Variants in CNTNAP2 observed in about 807,000 individuals in gnomAD.
The protein encoded by CNTNAP2 is contactin-associated protein-like 2.
A neutral mutation model predicts 155.2 loss-of-function variants in CNTNAP2; 98 were observed. That is an observed-to-expected ratio of 0.63 (90% CI 0.54 to 0.75). CNTNAP2 has a LOEUF of 0.75. Ranked by LOEUF, CNTNAP2 falls within the 30% of genes least tolerant of loss-of-function variation. The pLI is 0.00. For missense variants in CNTNAP2, 1,727 were observed against 1,688.1 expected (o/e 1.02, Z -0.40); for synonymous variants, 651 against 631.2 (o/e 1.03, Z -0.47).
At chr7:146,703,379 T>C (rs1214078536) in intron 1 of CNTNAP2, among the ~76,000 whole-genome samples, 1 of 152,118 alleles carries the variant, frequency 6.6e-6, no homozygotes, top group East Asian at 1.9e-4. Context: ...CTGTGGAAAA[T>C]ATTTTTAGAG....
At chr7:147,694,576 A>C (rs1417355008) in intron 13 of CNTNAP2, among the ~76,000 whole-genome samples, 2 of 152,118 alleles carry the variant, frequency 1.3e-5, no homozygotes, top group Non-Finnish European at 2.9e-5. Flanking sequence ...TTTTTCAAAG[A>C]ATTGGCCCAT....
At chr7:146,937,373 A>G (rs1204771202) in intron 3 of CNTNAP2, among the ~76,000 whole-genome samples, 2 of 150,852 alleles carry the variant, frequency 1.3e-5, no homozygotes, top group Admixed American at 6.6e-5. Flanking sequence ...TAAAAATAAA[A>G]TAAAATAAAA....
At chr7:146,587,572 C>G (rs1041615864) in intron 1 of CNTNAP2, among the ~76,000 whole-genome samples, 2 of 152,150 alleles carry the variant, frequency 1.3e-5, no homozygotes, top group African/African-American at 4.8e-5. Context: ...CACAAACACA[C>G]ACATACAAAT....
At chr7:147,785,022 T>C (rs1308899343) in intron 13 of CNTNAP2, among the ~76,000 whole-genome samples, 2 of 152,152 alleles carry the variant, frequency 1.3e-5, no homozygotes, top group Admixed American at 1.3e-4. Flanking sequence ...CATGATTTTA[T>C]ATTTGCAAAT....
At chr7:147,293,007 A>AT (rs1805347758) in intron 8 of CNTNAP2, among the ~76,000 whole-genome samples, 1 of 152,166 alleles carries the variant, frequency 6.6e-6, no homozygotes, top group African/African-American at 2.4e-5. Context: ...ACCTTGGGTG[A>AT]TATGCCCGCT....
chr7:146,758,627 A>C, intron 1 of CNTNAP2, among the ~76,000 whole-genome samples: 1 of 151,444 alleles, frequency 6.6e-6, no homozygotes, highest in Non-Finnish European at 1.5e-5. Context: ...GTGCAGGGAA[A>C]CTCTCCTTTC....
chr7:147,284,650 T>C (rs1361647749), intron 8 of CNTNAP2, among the ~76,000 whole-genome samples: 2 of 151,970 alleles, frequency 1.3e-5, no homozygotes, highest in East Asian at 1.9e-4. Context: ...GTAACATACA[T>C]TTATATCCTA....
At chr7:147,893,746 C>T (rs560682096) in intron 13 of CNTNAP2, among the ~76,000 whole-genome samples, 1 of 152,220 alleles carries the variant, frequency 6.6e-6, no homozygotes, top group African/African-American at 2.4e-5. Context: ...TCACCTCCCC[C>T]ACTTCATCCT....
intron 21 of CNTNAP2, among the ~76,000 whole-genome samples, chr7:148,306,525 A>G (rs62470578): frequency 0.24 from 35,743 of 152,054 alleles, 4,766 homozygotes; most frequent in Middle Eastern, 0.34. Context: ...TCTCTGAACA[A>G]TGTTCTCAAA....
In CNTNAP2 at chr7:147,461,849, G is replaced by A. The variant is rs182082216; in HGVS notation, c.1671-24086G>A. Among the ~76,000 whole-genome samples the A allele has an allele frequency of 2.6e-4, 40 of 152,282 alleles. No individual in the cohort carries two copies. In the East Asian group the frequency reaches 7.7e-3, roughly 29 times the overall value. On this transcript the variant is annotated intron_variant, in intron 10 of 23. Coordinates refer to ENST00000361727, the MANE Select transcript of CNTNAP2 (RefSeq NM_014141.6). ...TTAAAACTAAAATTAGGGATTGAGT[G>A]CCTCATTCGAAAATAGCAGCATTTA...
intron 1 of CNTNAP2, among the ~76,000 whole-genome samples, chr7:146,528,355 A>G (rs1797721148): frequency 6.6e-6 from 1 of 152,168 alleles, no homozygotes; most frequent in Non-Finnish European, 1.5e-5. Flanking sequence ...AGTTTTCTCA[A>G]CTGCAAAGCA....
At chr7:146,740,139 T>G (rs1361992552) in intron 1 of CNTNAP2, among the ~76,000 whole-genome samples, 1 of 152,080 alleles carries the variant, frequency 6.6e-6, no homozygotes, top group African/African-American at 2.4e-5. Context: ...TTTCAGTCCT[T>G]GTCATTCTTT....
At chr7:147,297,811 T>C (rs1179714268) in intron 8 of CNTNAP2, among the ~76,000 whole-genome samples, 1 of 152,170 alleles carries the variant, frequency 6.6e-6, no homozygotes, top group African/African-American at 2.4e-5. Flanking sequence ...AAATACTCTG[T>C]ATTCATCTGT....
intron 21 of CNTNAP2, among the ~76,000 whole-genome samples, chr7:148,315,762 T>C (rs1797676336): frequency 6.6e-6 from 1 of 152,232 alleles, no homozygotes; most frequent in Non-Finnish European, 1.5e-5. Flanking sequence ...AGCCACATTC[T>C]TGGAAATTTT....
intron 1 of CNTNAP2, among the ~76,000 whole-genome samples, chr7:146,448,732 A>T (rs1480722359): frequency 6.6e-6 from 1 of 152,106 alleles, no homozygotes; most frequent in Non-Finnish European, 1.5e-5. Context: ...TGTAATGTCG[A>T]TCACACATAA....
At chr7:146,986,345 T>C (rs574387137) in intron 3 of CNTNAP2, among the ~76,000 whole-genome samples, 1 of 152,224 alleles carries the variant, frequency 6.6e-6, no homozygotes, top group Non-Finnish European at 1.5e-5. Context: ...TTCCTTTTTA[T>C]GGCTGAGCAG....
At chr7:147,551,742 A>T (rs1367044968) in intron 11 of CNTNAP2, among the ~76,000 whole-genome samples, 1 of 152,116 alleles carries the variant, frequency 6.6e-6, no homozygotes, top group Non-Finnish European at 1.5e-5. Context: ...TTTCGGTTTG[A>T]AAAAAGACTC....
chr7:147,048,898 A>T (rs888053694), intron 4 of CNTNAP2, among the ~76,000 whole-genome samples: 1 of 152,172 alleles, frequency 6.6e-6, no homozygotes, highest in Non-Finnish European at 1.5e-5. Context: ...AAATTTAATC[A>T]TCCTGAAAAC....
chr7:146,341,132 C>T (rs532327755), intron 1 of CNTNAP2, among the ~76,000 whole-genome samples: 4 of 152,056 alleles, frequency 2.6e-5, no homozygotes, highest in African/African-American at 7.2e-5. Context: ...GATACATGTC[C>T]GCATTTTATT....
Sources: allele counts gnomAD v4.1 joint callset (sites outside exome capture counted in the v4.1 genomes callset), GRCh38; gene constraint gnomAD v4.1.1; transcripts MANE v1.5; gene names NCBI Gene and HGNC (gene_info 2026-07-23, HGNC 2026-07-21).